Variants in ADAM33 observed in about 807,000 individuals in gnomAD.
ADAM33 encodes disintegrin and metalloproteinase domain-containing protein 33.
Under a neutral mutation model 106.2 loss-of-function variants are expected in ADAM33, and 103 were observed. That is an observed-to-expected ratio of 0.97 (90% confidence interval 0.83 to 1.14). The LOEUF (loss-of-function observed/expected upper bound fraction) is 1.14. Ranked by LOEUF, ADAM33 falls within the 50% of genes most tolerant of loss-of-function variation. The pLI is 0.00. For synonymous variants in ADAM33, 483 were observed against 453.0 expected, an observed-to-expected ratio of 1.07 and a Z score of -0.84; for missense variants, 1,120 against 1,096.6, an observed-to-expected ratio of 1.02 and a Z score of -0.30.
Position 3,675,200 on chromosome 20 carries a change from G to A in ADAM33, c.255-95C>T. On this transcript the variant is annotated intron_variant, in intron 3 of 21. Transcript: ENST00000356518. The surrounding 1 kb of genome is among the most constrained non-coding windows in gnomAD (Gnocchi z 4.1). ...TTCCTCCCTAAATGCTAATGGAGCA[G>A]CTTTATGAGTGAGACACTCACAGTG... 1.1e-6 allele frequency: 1 copy of A among 920,952 alleles called. No homozygotes were observed. The highest frequency in any genetic ancestry group is 1.7e-6 in the Non-Finnish European group (1 of 586,072). 57.0% of individuals were successfully genotyped at this position (920,952 alleles called of 1,614,324 possible).
Position 3,682,001 on chromosome 20 carries a change from C to A in ADAM33, c.4G>T (p.Gly2Cys). The change falls in exon 1 of 22, where the codon GGC (glycine) becomes TGC (cysteine). Residue 2 changes from glycine (G) to cysteine (C), a missense_variant. Gly to Cys is a radical substitution (Grantham distance 159, BLOSUM62 -3). Transcript: ENST00000356518. M[G>C]WRPRRARGTP... ...CCCCGAGCTCTCCGGGGCCTCCAGC[C>A]CATAGCTGTGAGCTCCTCGGCCTCT... is the stretch of plus-strand genomic sequence containing the variant. 6.6e-7 allele frequency: 1 copy of A among 1,519,564 alleles called. No homozygotes were observed. The highest frequency in any genetic ancestry group is 1.2e-5 in the South Asian group (1 of 81,108). The allele number at this position is 1,519,564 out of a possible 1,614,324, so 94.1% of individuals were successfully genotyped here.
In ADAM33 at chr20:3,669,587, A is replaced by G. The variant is rs2280091; in HGVS notation, c.2291T>C (p.Met764Thr). The G allele has an allele frequency of 0.13, 213,336 of 1,602,084 alleles. 14,593 individuals are homozygous for G. The highest frequency in any genetic ancestry group is 0.2 in the Middle Eastern group (1,212 of 6,030). ...RDHPLGGVHP[M>T]ELGPTATGQP... is the part of the protein sequence containing the mutation. ...TCCAGTGGCTGTGGGGCCCAACTCC[A>G]TGGGGTGAACGCCGCCCAGGGGGTG... The change falls in exon 20 of 22, where the codon ATG (methionine) becomes ACG (threonine). Residue 764 changes from methionine to threonine, a missense_variant. By Grantham distance (81) the Met-to-Thr change is moderately conservative. Coordinates refer to ENST00000356518, the MANE Select transcript of ADAM33 (RefSeq NM_025220.5).
At chr20:3,679,705 A>G (rs998517016) in intron 1 of ADAM33, 134 bp from the exon 2 acceptor site, 1 of 691,956 alleles carries the variant, frequency 1.4e-6, no homozygotes, top group Non-Finnish European at 2.5e-6. Context: ...CACCTTCAAC[A>G]CGCGTGGGCT....
chr20:3,674,264 C>G lies in ADAM33; in HGVS notation c.621G>C (p.Arg207Ser), dbSNP rs1409018774. The change falls in exon 7 of 22, where the codon AGG (arginine) becomes AGC (serine). Residue 207 changes from arginine to serine, a missense_variant. Physicochemically the swap from Arg to Ser is moderately radical, Grantham distance 110. Coordinates refer to ENST00000356518, the MANE Select transcript of ADAM33 (RefSeq NM_025220.5). ...TGTACAGTTCCAGGTACTTCCGGGT[C>G]CTGCGCGCTTCTCGCCTGCCCTGCG... ...PQSRGRREAR[R>S]TRKYLELYIV... The G allele has an allele frequency of 6.2e-7, 1 of 1,613,976 alleles. No homozygotes were observed. The highest frequency in any genetic ancestry group is 1.1e-5 in the South Asian group (1 of 91,092).
Position 3,671,555 on chromosome 20 carries a change from G to A in ADAM33, c.1905+26C>T, listed in dbSNP as rs757977283. 5.6e-6 allele frequency: 9 copies of A among 1,608,842 alleles called. No homozygotes were observed. The African/African-American group carries it at 1.1e-4, about 19-fold the overall frequency. ...CTGGCCTGCGGGATTCAAACGGCAA[G>A]GAGGGGTCGGGTGGGCAGAGCTCAC... On this transcript the variant is annotated intron_variant, in intron 16 of 21. Transcript: ENST00000356518.
At position 3,672,032 on chromosome 20, in the gene ADAM33, G is replaced by A. The variant is rs557954; in HGVS notation, c.1598-47C>T. 5,506 of 1,552,730 alleles carry A rather than the reference G, an allele frequency of 3.5e-3. 197 individuals are homozygous for A. The African/African-American group carries it at 0.069, about 19-fold the overall frequency. Reference sequence around the variant, plus strand: ...TGGGGGCAGCTCGGAGAGGGGCTGCGCTCAGCGGGCCTCAGTTTCCCCTGC... The same window carrying A: ...TGGGGGCAGCTCGGAGAGGGGCTGCACTCAGCGGGCCTCAGTTTCCCCTGC... On this transcript the variant is annotated intron_variant, in intron 14 of 21. Coordinates refer to ENST00000356518, the MANE Select transcript of ADAM33 (RefSeq NM_025220.5).
rs573785189 is a variant in ADAM33 at position 3,673,574 on chromosome 20, C to T, written c.990G>A (p.Thr330=). 7.2e-7 allele frequency: 1 copy of T among 1,386,726 alleles called. No individual in the cohort carries two copies. 85.9% of individuals were successfully genotyped at this position (1,386,726 alleles called of 1,614,324 possible). ...CCTCGCCCCCGCCCGCGGGGCTCAC[C>T]GTGCTCACGCCTCCCGAGCTCTCGG... The part of the protein sequence containing the change: ...CRAESSGGVS[T]DHSELPIGAA... The change falls in exon 10 of 22, where the codon ACG becomes ACA. Residue 330 remains threonine (T), a splice_region_variant and synonymous_variant. Transcript: ENST00000356518.
intron 1 of ADAM33, among the ~76,000 whole-genome samples, chr20:3,681,553 C>CGGAT (rs1378206194): frequency 6.6e-6 from 1 of 151,432 alleles, no homozygotes; most frequent in Non-Finnish European, 1.5e-5. Flanking sequence ...CGGTGGCCTG[C>CGGAT]GGATGGAAGC....
intron 15 of ADAM33, 28 bp from the exon 16 acceptor site, chr20:3,671,807 A>G: frequency 6.4e-7 from 1 of 1,552,504 alleles, no homozygotes; most frequent in African/African-American, 1.4e-5. Context: ...GGGGGTCAAC[A>G]GCTGCAGTAC....
At chr20:3,678,335 C>T (rs2088154858) in intron 2 of ADAM33, among the ~76,000 whole-genome samples, 2 of 152,214 alleles carry the variant, frequency 1.3e-5, no homozygotes, top group African/African-American at 4.8e-5. Flanking sequence ...TTCCTGGGGG[C>T]AGGGGCCCAC....
At position 3,668,915 on chromosome 20, in the gene ADAM33, T is replaced by C; in HGVS notation, c.*48A>G. The C allele has an allele frequency of 6.2e-7, 1 of 1,605,668 alleles. No individual in the cohort carries two copies. Among genetic ancestry groups the C allele is most frequent in the South Asian group, 1.1e-5 (1 of 90,824 alleles). On this transcript the variant is annotated 3_prime_UTR_variant, in exon 22 of 22. Coordinates refer to ENST00000356518, the MANE Select transcript of ADAM33 (RefSeq NM_025220.5). ...CTGCAGTTCAAGTTCCTGGAGTGGC[T>C]GTCAGTGGCCACCTGTCTTTAAATC...
In ADAM33 at chr20:3,671,164, TG is replaced by T. The variant is rs1203637314; in HGVS notation, c.2093-12del. On this transcript the variant is annotated splice_polypyrimidine_tract_variant and intron_variant, in intron 18 of 21. Transcript: ENST00000356518. ...GGAAGGTGTCATGGTCTGCGGGGAT[TG>T]GGGGAAGGGGCGCTGAGTCCTGAGC... The T allele has an allele frequency of 3.7e-6, 6 of 1,613,128 alleles. No individual in the cohort carries two copies. In the East Asian group the frequency reaches 1.3e-4, roughly 36 times the overall value.
chr20:3,668,962 C>T lies in ADAM33; in HGVS notation c.*1G>A. 1 of 1,613,798 alleles carries T rather than the reference C, an allele frequency of 6.2e-7. No homozygotes were observed. Among genetic ancestry groups the T allele is most frequent in the South Asian group, 1.1e-5 (1 of 91,064 alleles). ...AATCTGTTCATTTTAGGAGCTACCTCTCACCAGAGGCAGGATCTTGGCATC... is the reference window on the plus strand; with the variant it reads ...AATCTGTTCATTTTAGGAGCTACCTTTCACCAGAGGCAGGATCTTGGCATC... On this transcript the variant is annotated 3_prime_UTR_variant, in exon 22 of 22. Coordinates refer to ENST00000356518, the MANE Select transcript of ADAM33 (RefSeq NM_025220.5).
At position 3,673,406 on chromosome 20, in the gene ADAM33, A is replaced by T; in HGVS notation, c.1081T>A (p.Cys361Ser). ...LGLSHDPDGC[C>S]VEAAAESGGC... ...CCGGACTCGGCCGCAGCCTCCACGCAGCAGCCGTCGGGGTCGTGGCTGAGG... is the reference window on the plus strand; with the variant it reads ...CCGGACTCGGCCGCAGCCTCCACGCTGCAGCCGTCGGGGTCGTGGCTGAGG... The change falls in exon 11 of 22, where the codon TGC (cysteine) becomes AGC (serine). Residue 361 changes from cysteine (C) to serine (S), a missense_variant. Transcript: ENST00000356518. The T allele has an allele frequency of 6.4e-7, 1 of 1,556,552 alleles. No individual in the cohort carries two copies. The highest frequency in any genetic ancestry group is 8.6e-7 in the Non-Finnish European group (1 of 1,158,206).
Position 3,672,413 on chromosome 20 carries a change from G to A in ADAM33, c.1402-84C>T. The A allele has an allele frequency of 3.8e-6, 6 of 1,577,126 alleles. No individual in the cohort carries two copies. The South Asian group carries it at 7.0e-5, about 18-fold the overall frequency. ...ATGCCGAGAGCGCGGCTCGGAGCTG[G>A]GGGAGCCAGGCCTACCCAAGCCCAG... On this transcript the variant is annotated intron_variant, in intron 13 of 21. Coordinates refer to ENST00000356518, the MANE Select transcript of ADAM33 (RefSeq NM_025220.5).
chr20:3,671,653 T>A lies in ADAM33; in HGVS notation c.1833A>T (p.Ala611=). ...GQEVTCRGAL[A]LPSAQLDLLG... ...GCAGGTCCAGCTGGGCACTGGGGAGTGCCAAGGCTCCCCGACAAGTCACTT... is the reference window on the plus strand; with the variant it reads ...GCAGGTCCAGCTGGGCACTGGGGAGAGCCAAGGCTCCCCGACAAGTCACTT... The change falls in exon 16 of 22, where the codon GCA becomes GCT. Residue 611 remains alanine (A), a synonymous_variant. Transcript: ENST00000356518. 1 of 1,578,618 alleles carries A rather than the reference T, an allele frequency of 6.3e-7. No homozygotes were observed. The highest frequency in any genetic ancestry group is 2.4e-5 in the East Asian group (1 of 42,478).
chr20:3,670,028 T>TG (rs1233553557), intron 19 of ADAM33: 1 of 399,938 alleles, frequency 2.5e-6, no homozygotes, highest in Non-Finnish European at 4.7e-6. Flanking sequence ...AAGCCATCTT[T>TG]GACTGTCCCC....
rs1477555597 is a variant in ADAM33, at chr20:3,672,205, CT to C, written c.1525del (p.Arg509GlyfsTer37). The C allele has an allele frequency of 1.9e-6, 3 of 1,613,460 alleles. No homozygotes were observed. The South Asian group carries it at 3.3e-5, about 18-fold the overall frequency. ...VYLLDGSPCA[R>X]GSGYCWDGAC... ...GCCATCCCAGCAGTAGCCACTGCCC[CT>C]GGCACAGGGTGAGCCGTCCAGTAGG... On this transcript the variant is annotated frameshift_variant, in exon 14 of 22. Coordinates refer to ENST00000356518, the MANE Select transcript of ADAM33 (RefSeq NM_025220.5). LOFTEE classifies it high-confidence loss of function.
chr20:3,668,919 A>C lies in ADAM33; in HGVS notation c.*44T>G, dbSNP rs747580126. ...AGTTCAAGTTCCTGGAGTGGCTGTCAGTGGCCACCTGTCTTTAAATCTGTT... is the reference window on the plus strand; with the variant it reads ...AGTTCAAGTTCCTGGAGTGGCTGTCCGTGGCCACCTGTCTTTAAATCTGTT... On this transcript the variant is annotated 3_prime_UTR_variant, in exon 22 of 22. Coordinates refer to ENST00000356518, the MANE Select transcript of ADAM33 (RefSeq NM_025220.5). 16 of 1,590,348 alleles carry C rather than the reference A, an allele frequency of 1.0e-5. No individual in the cohort carries two copies. The highest frequency in any genetic ancestry group is 2.2e-5 in the South Asian group (2 of 90,522).
Sources: gnomAD v4.1 joint callset for allele counts (sites outside exome capture counted in the v4.1 genomes callset) on GRCh38, gnomAD v4.1.1 for gene constraint, Gnocchi (gnomAD v3.1) non-coding constraint, MANE v1.5 for transcripts, NCBI Gene and HGNC (gene_info 2026-07-23, HGNC 2026-07-21) for gene names.